CELF2: variants seen among roughly 807,000 people sequenced by gnomAD.
CELF2 encodes CUG triplet repeat RNA-binding protein 2.
A neutral mutation model predicts 62.6 loss-of-function variants in CELF2; 8 were observed. That is an observed-to-expected ratio of 0.13 (90% CI 0.07 to 0.23). CELF2 has a LOEUF of 0.23. Among genes scored for constraint, CELF2 ranks in the 10% least tolerant of loss-of-function variants. The pLI is 1.00. For missense variants in CELF2, 333 were observed against 671.0 expected (o/e 0.50, Z 5.56); for synonymous variants, 258 against 250.0 (o/e 1.03, Z -0.30).
At chr10:11,118,515 A>C (rs953132209) in intron 1 of CELF2, among the ~76,000 whole-genome samples, 2 of 152,140 alleles carry the variant, frequency 1.3e-5, no homozygotes, top group African/African-American at 4.8e-5. Flanking sequence ...ACTTCTGTTA[A>C]AAGATTAGTA....
chr10:10,962,125 AAGAGGG>A (rs1049714849), intron 2 of CELF2, among the ~76,000 whole-genome samples: 5 of 152,080 alleles, frequency 3.3e-5, no homozygotes, highest in South Asian at 2.1e-4. Context: ...GAGAGAAGAG[AAGAGGG>A]AGAGGGAGAG....
chr10:11,225,581 C>CTTTGAG (rs2066255328), intron 3 of CELF2, among the ~76,000 whole-genome samples: 1 of 152,206 alleles, frequency 6.6e-6, no homozygotes, highest in African/African-American at 2.4e-5. Context: ...ATTGTCTGGG[C>CTTTGAG]ATCTGCTTTC....
the CELF2 span, among the ~76,000 whole-genome samples, chr10:10,503,986 G>A: frequency 1.3e-5 from 2 of 151,936 alleles, no homozygotes; most frequent in African/African-American, 4.8e-5. Context: ...ACCAGTTTAA[G>A]TGAAGTATAG....
chr10:11,158,947 G>T (rs2065099177), intron 1 of CELF2, among the ~76,000 whole-genome samples: 2 of 152,278 alleles, frequency 1.3e-5, no homozygotes, highest in Non-Finnish European at 1.5e-5. Flanking sequence ...TGATCATAAG[G>T]TAATACGTGT....
intron 8 of CELF2, among the ~76,000 whole-genome samples, chr10:11,276,287 T>A (rs539943547): frequency 1.2e-3 from 183 of 152,310 alleles, no homozygotes; most frequent in Admixed American, 2.7e-3. Context: ...CCTTGGCCTG[T>A]AGTAAAAATA....
rs185803246 is a variant in CELF2 at position 10,890,794 on chromosome 10, C to T, written c.54-29170C>T. Among the ~76,000 whole-genome samples, 4 of 152,344 alleles carry T rather than the reference C, an allele frequency of 2.6e-5. No homozygotes were observed. In the East Asian group the frequency reaches 7.7e-4, roughly 29 times the overall value. On this transcript the variant is annotated intron_variant, in intron 1 of 13. Coordinates refer to the CELF2 transcript ENST00000636488. ...CTTTGGGAGGCCAAAGCGGGCGGAT[C>T]GCCTGAGGTGAGGAGTTCAAGACCA...
intron 1 of CELF2, among the ~76,000 whole-genome samples, chr10:11,083,997 C>A (rs906195543): frequency 6.6e-6 from 1 of 152,196 alleles, no homozygotes; most frequent in African/African-American, 2.4e-5. Context: ...GCCCAGACCC[C>A]ACTATTGAAG....
chr10:10,534,668 A>G, the CELF2 span, among the ~76,000 whole-genome samples: 1 of 152,366 alleles, frequency 6.6e-6, no homozygotes, highest in South Asian at 2.1e-4. Context: ...TGAGATATCA[A>G]GTAAAATCCT....
chr10:10,908,406 G>T (rs141671406), intron 1 of CELF2, among the ~76,000 whole-genome samples: 2 of 151,538 alleles, frequency 1.3e-5, no homozygotes, highest in African/African-American at 2.4e-5. Flanking sequence ...ATTTTTAGTA[G>T]AGACGGGGTT....
intron 2 of CELF2, among the ~76,000 whole-genome samples, chr10:10,943,633 C>G (rs1316573690): frequency 6.6e-6 from 1 of 152,162 alleles, no homozygotes; most frequent in Non-Finnish European, 1.5e-5. Context: ...GAGTCTCGCT[C>G]TGTCACCCAG....
the CELF2 span, among the ~76,000 whole-genome samples, chr10:10,634,698 G>C: frequency 2.1e-5 from 3 of 144,778 alleles, no homozygotes; most frequent in South Asian, 4.3e-4. Context: ...GTCTCACTCT[G>C]TCACCCAGGC....
At position 11,005,426 on chromosome 10, in the gene CELF2, A is replaced by G. The variant is rs758024980; in HGVS notation, c.39A>G (p.Glu13=). The G allele has an allele frequency of 6.2e-7, 1 of 1,613,794 alleles. No individual in the cohort carries two copies. Among genetic ancestry groups the G allele is most frequent in the South Asian group, 1.1e-5 (1 of 91,082 alleles). ...AATCCGCTGTTACTATGAGAAATGA[A>G]GAGCTGCTTTTAAGGTATGTTGTTG... Residue 13 remains glutamate (E), a synonymous_variant, in exon 1 of 13, where the codon GAA becomes GAG. Coordinates refer to the CELF2 transcript ENST00000416382. This position sits in a 1 kb window ranked among gnomAD's most constrained non-coding sequence, Gnocchi z 4.3.
chr10:10,886,016 T>C (rs771704513), intron 1 of CELF2, among the ~76,000 whole-genome samples: 17 of 152,256 alleles, frequency 1.1e-4, no homozygotes, highest in African/African-American at 3.6e-4. Flanking sequence ...TATCTCATGA[T>C]AGCAGAAAGA....
the CELF2 span, among the ~76,000 whole-genome samples, chr10:10,790,247 T>A: frequency 6.6e-6 from 1 of 152,102 alleles, no homozygotes; most frequent in Non-Finnish European, 1.5e-5. Context: ...TATATTCAAG[T>A]TTTTATATTC....
chr10:10,969,335 GGCAT>G, intron 2 of CELF2, among the ~76,000 whole-genome samples: 1 of 152,324 alleles, frequency 6.6e-6, no homozygotes, highest in South Asian at 2.1e-4. Context: ...GTTGGGGGTA[GGCAT>G]TAAGGAGAAA....
the CELF2 span, among the ~76,000 whole-genome samples, chr10:10,567,796 C>T: frequency 5.3e-5 from 8 of 152,164 alleles, no homozygotes; most frequent in East Asian, 1.5e-3. Flanking sequence ...AAAAGTCTAC[C>T]TTCTGGCAGG....
At chr10:10,743,014 A>T in the CELF2 span, among the ~76,000 whole-genome samples, 1 of 152,324 alleles carries the variant, frequency 6.6e-6, no homozygotes, top group South Asian at 2.1e-4. Flanking sequence ...TCATTTATTC[A>T]TTGACTTAAC....
At chr10:10,905,287 T>A (rs1365519404) in intron 1 of CELF2, among the ~76,000 whole-genome samples, 1 of 152,236 alleles carries the variant, frequency 6.6e-6, no homozygotes, top group Non-Finnish European at 1.5e-5. Flanking sequence ...AGAGTATTTT[T>A]AGTAACAGCA....
chr10:11,244,580 G>A lies in CELF2; in HGVS notation c.355-4573G>A, dbSNP rs959845980. Among the ~76,000 whole-genome samples the A allele has an allele frequency of 3.3e-5, 5 of 151,788 alleles. No homozygotes were observed. The highest frequency in any genetic ancestry group is 2.1e-4 in the South Asian group (1 of 4,820). ...TGAGGCAGGAGAATGGCATGAACCC[G>A]GGAGGCAGAGCTTTCAGTGAGCCGA... On this transcript the variant is annotated intron_variant, in intron 3 of 12. Coordinates refer to ENST00000633077, the MANE Select transcript of CELF2 (RefSeq NM_001326342.2). This position sits in a 1 kb window ranked among gnomAD's most constrained non-coding sequence, Gnocchi z 4.2.
Sources: allele counts gnomAD v4.1 joint callset (sites outside exome capture counted in the v4.1 genomes callset), GRCh38; gene constraint gnomAD v4.1.1; non-coding constraint Gnocchi (gnomAD v3.1); transcripts MANE v1.5; gene names NCBI Gene and HGNC (gene_info 2026-07-23, HGNC 2026-07-21).